MYO3B: variants seen among roughly 807,000 people sequenced by gnomAD.
The protein encoded by MYO3B is myosin IIIB, also known as myosin-IIIb.
In MYO3B, 156 loss-of-function variants were observed where a neutral mutation model predicts 174.6. The observed-to-expected ratio is 0.89, with a 90% CI of 0.78 to 1.02. The LOEUF (loss-of-function observed/expected upper bound fraction) is 1.02, where lower values mean the gene tolerates loss of function less well. MYO3B is among the 50% of genes least tolerant of loss of function. MYO3B has a pLI of 0.00. For synonymous variants in MYO3B, 563 were observed against 569.1 expected (o/e 0.99, Z 0.15); for missense variants, 1,632 against 1,639.4 (o/e 1.00, Z 0.08).
intron 13 of MYO3B, among the ~76,000 whole-genome samples, 178 bp downstream of exon 13, chr2:170,386,450 C>T (rs17607307): frequency 0.22 from 34,186 of 151,984 alleles, 4,597 homozygotes; most frequent in Non-Finnish European, 0.31. Context: ...GCTATCCTTC[C>T]TTCACGTAGG....
chr2:170,222,013 T>C (rs2092906359), intron 6 of MYO3B, among the ~76,000 whole-genome samples: 1 of 152,204 alleles, frequency 6.6e-6, no homozygotes, highest in African/African-American at 2.4e-5. Context: ...ACTTGAACAA[T>C]AGATAATTAA....
chr2:170,452,102 A>G (rs556790393), intron 23 of MYO3B, among the ~76,000 whole-genome samples: 20 of 152,232 alleles, frequency 1.3e-4, no homozygotes, highest in Admixed American at 2.6e-4. Context: ...AGAGCCAAGT[A>G]TCCCTCCATA....
intron 32 of MYO3B, among the ~76,000 whole-genome samples, chr2:170,554,722 A>G (rs1691168210): frequency 6.6e-6 from 1 of 152,168 alleles, no homozygotes; most frequent in Non-Finnish European, 1.5e-5. Context: ...GTCATGATGC[A>G]CTTTTTGCCA....
At chr2:170,353,269 T>A (rs1177818632) in intron 8 of MYO3B, among the ~76,000 whole-genome samples, 1 of 152,188 alleles carries the variant, frequency 6.6e-6, no homozygotes, top group Non-Finnish European at 1.5e-5. Flanking sequence ...CATGGAGGAA[T>A]CTTAAATTCA....
At chr2:170,217,280 C>G (rs1326926264) in intron 5 of MYO3B, 39 bp from the exon 6 acceptor site, 4 of 1,573,930 alleles carry the variant, frequency 2.5e-6, no homozygotes, top group African/African-American at 2.7e-5. Flanking sequence ...TAGCATCATA[C>G]TTTGCTCACT....
chr2:170,312,310 C>T (rs769069298), intron 7 of MYO3B, among the ~76,000 whole-genome samples: 1 of 152,246 alleles, frequency 6.6e-6, no homozygotes, highest in Non-Finnish European at 1.5e-5. Flanking sequence ...CATGAGCATC[C>T]TTCTCTGACT....
intron 7 of MYO3B, among the ~76,000 whole-genome samples, chr2:170,310,922 C>A (rs1045260878): frequency 3.3e-5 from 5 of 152,092 alleles, no homozygotes; most frequent in African/African-American, 7.2e-5. Context: ...TTAGACCCCC[C>A]ACTTCCCATC....
chr2:170,445,741 C>T (rs2094836798), intron 23 of MYO3B, among the ~76,000 whole-genome samples: 1 of 152,112 alleles, frequency 6.6e-6, no homozygotes, highest in Non-Finnish European at 1.5e-5. Flanking sequence ...TTCAAGGATC[C>T]TTCCACCTCA....
chr2:170,392,600 C>T, intron 16 of MYO3B, 105 bp downstream of exon 16: 1 of 636,884 alleles, frequency 1.6e-6, no homozygotes, highest in Non-Finnish European at 2.5e-6. Context: ...TTTCAAATGC[C>T]ATGTTGGTCA....
At chr2:170,538,572 T>G (rs141061194) in intron 30 of MYO3B, among the ~76,000 whole-genome samples, 230 of 152,294 alleles carry the variant, frequency 1.5e-3, no homozygotes, top group African/African-American at 4.4e-3. Context: ...GGAGCCAGCC[T>G]TCACCTTGCC....
intron 18 of MYO3B, 48 bp from the exon 19 acceptor site, chr2:170,402,800 G>C: frequency 6.5e-7 from 1 of 1,536,382 alleles, no homozygotes; most frequent in Non-Finnish European, 8.8e-7. Flanking sequence ...ATCCTCTTTA[G>C]GTGGGTGTTT....
chr2:170,380,438 T>C (rs2094326812), intron 9 of MYO3B, among the ~76,000 whole-genome samples: 4 of 152,142 alleles, frequency 2.6e-5, no homozygotes, highest in African/African-American at 9.6e-5. Flanking sequence ...ATTCTATTTA[T>C]AGATGAAGAA....
chr2:170,448,911 A>T (rs569947373), intron 23 of MYO3B, among the ~76,000 whole-genome samples: 1 of 152,006 alleles, frequency 6.6e-6, no homozygotes, highest in Non-Finnish European at 1.5e-5. Flanking sequence ...TGGCTTGATT[A>T]TTTGCATAAA....
At chr2:170,565,921 C>G (rs1553523591) in intron 32 of MYO3B, among the ~76,000 whole-genome samples, 1 of 152,110 alleles carries the variant, frequency 6.6e-6, no homozygotes, top group Non-Finnish European at 1.5e-5. Context: ...GGTCTCAGGC[C>G]CTACTGAGAG....
At chr2:170,448,571 G>C (rs1439073002) in intron 23 of MYO3B, among the ~76,000 whole-genome samples, 1 of 152,152 alleles carries the variant, frequency 6.6e-6, no homozygotes, top group African/African-American at 2.4e-5. Context: ...TACATGACAA[G>C]GGTGTTAGTA....
intron 25 of MYO3B, among the ~76,000 whole-genome samples, chr2:170,489,410 A>G (rs1686286698): frequency 6.6e-6 from 1 of 152,196 alleles, no homozygotes; most frequent in Non-Finnish European, 1.5e-5. Context: ...TGTGCGGTGC[A>G]GAAGCCCCCA....
At chr2:170,453,056 C>T in intron 23 of MYO3B, among the ~76,000 whole-genome samples, 1 of 152,144 alleles carries the variant, frequency 6.6e-6, no homozygotes, top group East Asian at 1.9e-4. Context: ...TGACATGAAC[C>T]ACAAAATCCT....
chr2:170,454,696 C>T (rs568305270), intron 23 of MYO3B, among the ~76,000 whole-genome samples: 55 of 152,284 alleles, frequency 3.6e-4, no homozygotes, highest in Non-Finnish European at 6.2e-4. Context: ...AACCACCTAA[C>T]GGGCTCACCT....
chr2:170,620,880 G>A (rs1695854686), intron 32 of MYO3B, among the ~76,000 whole-genome samples: 1 of 152,090 alleles, frequency 6.6e-6, no homozygotes, highest in African/African-American at 2.4e-5. Context: ...CAGGGTGTTT[G>A]CCATACAAAT....
Sources: allele counts gnomAD v4.1 joint callset (sites outside exome capture counted in the v4.1 genomes callset), GRCh38; gene constraint gnomAD v4.1.1; transcripts MANE v1.5; gene names NCBI Gene and HGNC (gene_info 2026-07-23, HGNC 2026-07-21).